Variants in CALD1 observed in about 807,000 individuals in gnomAD.
CALD1 encodes the protein caldesmon 1, also known as caldesmon.
In CALD1, 33 loss-of-function variants were observed where a neutral mutation model predicts 99.9. The ratio of observed to expected loss-of-function variants is 0.33; its 90% CI spans 0.25 to 0.44. CALD1 has a LOEUF of 0.44. Ranked by LOEUF, CALD1 falls within the 20% of genes least tolerant of loss-of-function variation. The pLI is 1.00. For synonymous variants in CALD1, 310 were observed against 325.0 expected (o/e 0.95, Z 0.50); for missense variants, 861 against 962.1 (o/e 0.89, Z 1.39).
chr7:134,891,352 T>C, intron 3 of CALD1: 1 of 1,219,358 alleles, frequency 8.2e-7, no homozygotes, highest in East Asian at 3.2e-5. Context: ...ATTAGAGAGA[T>C]TACAGTAAAA....
At chr7:134,856,490 C>T (rs1800309484) in intron 2 of CALD1, among the ~76,000 whole-genome samples, 1 of 152,154 alleles carries the variant, frequency 6.6e-6, no homozygotes, top group Non-Finnish European at 1.5e-5. Flanking sequence ...TTTTTTTAGA[C>T]TGATGGAAAC....
chr7:134,810,125 C>G (rs535612099), intron 1 of CALD1, among the ~76,000 whole-genome samples: 4 of 152,274 alleles, frequency 2.6e-5, no homozygotes, highest in Non-Finnish European at 1.5e-5. Flanking sequence ...ACTTAAGGAT[C>G]ATAAATGCTT....
At chr7:134,809,270 C>A (rs370097161) in intron 1 of CALD1, among the ~76,000 whole-genome samples, 1 of 152,068 alleles carries the variant, frequency 6.6e-6, no homozygotes, top group Admixed American at 6.6e-5. Flanking sequence ...TTTTAAAATT[C>A]TTTTTAATGT....
chr7:134,852,609 T>C (rs1800128108), intron 2 of CALD1, among the ~76,000 whole-genome samples: 1 of 152,192 alleles, frequency 6.6e-6, no homozygotes, highest in Non-Finnish European at 1.5e-5. Context: ...AGTCATTGAA[T>C]GGAGACAGTA....
intron 3 of CALD1, chr7:134,928,160 G>A (rs926781132): frequency 4.6e-5 from 11 of 240,702 alleles, no homozygotes; most frequent in Non-Finnish European, 6.3e-5. Context: ...GGCCAGGCCC[G>A]GTGGCTCACG....
intron 3 of CALD1, among the ~76,000 whole-genome samples, chr7:134,900,603 G>A (rs770654924): frequency 7.2e-5 from 11 of 152,176 alleles, no homozygotes; most frequent in East Asian, 1.9e-4. Context: ...ACTGGGGCCC[G>A]ATATGCTGAT....
intron 3 of CALD1, among the ~76,000 whole-genome samples, chr7:134,882,024 T>C (rs1487825716): frequency 6.6e-6 from 1 of 152,244 alleles, no homozygotes; most frequent in Non-Finnish European, 1.5e-5. Context: ...TTTATGTTTA[T>C]TTGTTCTCGT....
intron 1 of CALD1, among the ~76,000 whole-genome samples, chr7:134,797,807 G>A (rs1299180162): frequency 6.6e-6 from 1 of 152,106 alleles, no homozygotes; most frequent in Non-Finnish European, 1.5e-5. Context: ...GTCCAGGATG[G>A]TCTCGATCTC....
chr7:134,903,303 A>G (rs1387876974), intron 3 of CALD1, among the ~76,000 whole-genome samples: 1 of 152,084 alleles, frequency 6.6e-6, no homozygotes, highest in East Asian at 1.9e-4. Context: ...TTTGGGTGAT[A>G]CTGATGTGTC....
intron 3 of CALD1, among the ~76,000 whole-genome samples, chr7:134,913,837 T>C (rs1356542237): frequency 2.0e-5 from 3 of 152,122 alleles, no homozygotes; most frequent in African/African-American, 7.2e-5. Flanking sequence ...AAAAACAGAG[T>C]GGGCTGGCTT....
At chr7:134,913,833 A>G (rs1804001552) in intron 3 of CALD1, among the ~76,000 whole-genome samples, 1 of 152,232 alleles carries the variant, frequency 6.6e-6, no homozygotes, top group Admixed American at 6.5e-5. Context: ...TTGCAAAAAC[A>G]GAGTGGGCTG....
the CALD1 span, among the ~76,000 whole-genome samples, chr7:134,736,828 T>C: frequency 6.6e-6 from 1 of 152,220 alleles, no homozygotes; most frequent in South Asian, 2.1e-4. Flanking sequence ...CTCAGCTCCA[T>C]TCTTTCTTCA....
upstream of CALD1, chr7:134,779,396 T>A: frequency 3.0e-6 from 1 of 337,986 alleles, no homozygotes; most frequent in African/African-American, 2.1e-5. Flanking sequence ...CAGAGCTTTT[T>A]AGGTCTTGGG....
intron 1 of CALD1, among the ~76,000 whole-genome samples, chr7:134,803,295 A>AT (rs1798014273): frequency 6.6e-6 from 1 of 152,122 alleles, no homozygotes; most frequent in African/African-American, 2.4e-5. Context: ...TATATGTATT[A>AT]TATTAATACA....
Position 134,893,237 on chromosome 7 carries a change from A to G in CALD1, c.71+25433A>G, listed in dbSNP as rs556054791. ...ACCGGGATGGTTGTCATTGCCTGCC[A>G]TCTGGTCCTCGGCCTCTGTCTCTCT... On this transcript the variant is annotated intron_variant, in intron 3 of 14. Coordinates refer to ENST00000361675, the MANE Select transcript of CALD1 (RefSeq NM_033138.4). 2.0e-5 allele frequency among the ~76,000 whole-genome samples: 3 copies of G among 152,162 alleles called. No individual in the cohort carries two copies. In the South Asian group the frequency reaches 6.2e-4, roughly 32 times the overall value.
chr7:134,790,418 T>G (rs1585940532), intron 1 of CALD1, among the ~76,000 whole-genome samples: 1 of 152,096 alleles, frequency 6.6e-6, no homozygotes, highest in East Asian at 1.9e-4. Context: ...TGTTCAAAGC[T>G]CCTCCCTAAC....
At chr7:134,796,443 AATC>A (rs1005017378) in intron 1 of CALD1, among the ~76,000 whole-genome samples, 1 of 152,190 alleles carries the variant, frequency 6.6e-6, no homozygotes, top group African/African-American at 2.4e-5. Flanking sequence ...GGAAGATAGA[AATC>A]ATATATTCAT....
chr7:134,934,844 G>A (rs1026043785), intron 5 of CALD1, among the ~76,000 whole-genome samples: 1 of 152,118 alleles, frequency 6.6e-6, no homozygotes, highest in Non-Finnish European at 1.5e-5. Flanking sequence ...TTGTGCCACT[G>A]CACTCCACTG....
At chr7:134,878,196 A>G (rs566175538) in intron 3 of CALD1, among the ~76,000 whole-genome samples, 1 of 152,246 alleles carries the variant, frequency 6.6e-6, no homozygotes, top group Admixed American at 6.5e-5. Flanking sequence ...AGGCATTCCA[A>G]AGATTCTCTC....
Sources: gnomAD v4.1 joint callset for allele counts (sites outside exome capture counted in the v4.1 genomes callset) on GRCh38, gnomAD v4.1.1 for gene constraint, MANE v1.5 for transcripts, NCBI Gene and HGNC (gene_info 2026-07-23, HGNC 2026-07-21) for gene names.